Variants in GRK5 observed in about 807,000 individuals in gnomAD.
GRK5 encodes the protein G protein-coupled receptor kinase 5, also known as g protein-coupled receptor kinase GRK5.
In GRK5, 40 loss-of-function variants were observed where a neutral mutation model predicts 78.4. The ratio of observed to expected loss-of-function variants is 0.51; its 90% CI spans 0.40 to 0.66. The LOEUF (loss-of-function observed/expected upper bound fraction) is 0.66. GRK5 is among the 30% of genes least tolerant of loss of function. The pLI is 0.00. For missense variants in GRK5, 598 were observed against 759.9 expected (o/e 0.79, Z 2.50); for synonymous variants, 289 against 296.8 (o/e 0.97, Z 0.27).
At chr10:119,364,946 T>C (rs1851421843) in intron 2 of GRK5, among the ~76,000 whole-genome samples, 1 of 152,160 alleles carries the variant, frequency 6.6e-6, no homozygotes, top group Non-Finnish European at 1.5e-5. Flanking sequence ...TCATCCTAAT[T>C]ATTTTTTTTT....
chr10:119,277,287 C>G (rs901377871), intron 1 of GRK5, among the ~76,000 whole-genome samples: 1 of 152,094 alleles, frequency 6.6e-6, no homozygotes, highest in Admixed American at 6.5e-5. Context: ...TGGCTGACTG[C>G]GTGAACTTCT....
intron 6 of GRK5, among the ~76,000 whole-genome samples, chr10:119,426,613 A>T (rs1039288533): frequency 1.3e-5 from 2 of 152,226 alleles, no homozygotes; most frequent in Non-Finnish European, 2.9e-5. Flanking sequence ...TGTTCCGCAA[A>T]GCTCAGCCAT....
rs1850620852 is a variant in GRK5, at chr10:119,323,457, C to G, written c.53-3059C>G. On this transcript the variant is annotated intron_variant, in intron 1 of 15. Transcript: ENST00000392870. The stretch of plus-strand genomic sequence containing the variant: ...CTTGCAGCTGCTGGGATGGGGACAT[C>G]AGACTCTGCTGAGCTAGGGTTTAGG... Among the ~76,000 whole-genome samples the G allele has an allele frequency of 2.0e-5, 3 of 152,312 alleles. No homozygotes were observed. The South Asian group carries it at 6.2e-4, about 32-fold the overall frequency.
Position 119,452,501 on chromosome 10 carries a change from C to G in GRK5, c.1405-170C>G, listed in dbSNP as rs984561245. On this transcript the variant is annotated intron_variant, in intron 13 of 15. Transcript: ENST00000392870. This position sits in a 1 kb window ranked among gnomAD's most constrained non-coding sequence, Gnocchi z 4.4. ...CCAAGCCACTGGGGCCGACCCCTCC[C>G]CTGGACTCACCTGCATCTGAGCCAC... 7.3e-5 allele frequency: 51 copies of G among 703,188 alleles called. No individual in the cohort carries two copies. The African/African-American group carries it at 8.6e-4, about 12-fold the overall frequency. 43.6% of individuals were successfully genotyped at this position (703,188 alleles called of 1,614,324 possible). A position where few individuals can be genotyped will look rare whatever the true frequency, so the allele number is the denominator to read the frequency against.
intron 1 of GRK5, among the ~76,000 whole-genome samples, chr10:119,247,902 C>A (rs1264156494): frequency 6.6e-6 from 1 of 152,176 alleles, no homozygotes. Flanking sequence ...TCCCCCCCAC[C>A]CTGCCTGGCT....
At chr10:119,356,407 A>C (rs1851262763) in intron 2 of GRK5, among the ~76,000 whole-genome samples, 1 of 152,198 alleles carries the variant, frequency 6.6e-6, no homozygotes, top group Non-Finnish European at 1.5e-5. Context: ...TATAAGAAAT[A>C]ATTCAAAGAC....
At position 119,336,867 on chromosome 10, in the gene GRK5, C is replaced by T. The variant is rs915127506; in HGVS notation, c.148+10256C>T. ...GGTTTGGAACATCAGGTGACCTGTC[C>T]GCAGCTGGAGCTCTCAGGAGGGAAG... On this transcript the variant is annotated intron_variant, in intron 2 of 15. Transcript: ENST00000392870. This position sits in a 1 kb window ranked among gnomAD's most constrained non-coding sequence, Gnocchi z 4.5. Among the ~76,000 whole-genome samples, 5 of 152,172 alleles carry T rather than the reference C, an allele frequency of 3.3e-5. No homozygotes were observed. Among genetic ancestry groups the T allele is most frequent in the Non-Finnish European group, 7.3e-5 (5 of 68,034 alleles).
chr10:119,257,414 T>G (rs1849306973), intron 1 of GRK5, among the ~76,000 whole-genome samples: 1 of 151,490 alleles, frequency 6.6e-6, no homozygotes, highest in Non-Finnish European at 1.5e-5. Context: ...TGGGAGGGAG[T>G]ATGTCTATTT....
In GRK5 at chr10:119,423,164, A is replaced by AGTCCCC; in HGVS notation, c.340-1_344dup. 1 of 1,606,946 alleles carries AGTCCCC rather than the reference A, an allele frequency of 6.2e-7. No individual in the cohort carries two copies. Among genetic ancestry groups the AGTCCCC allele is most frequent in the Non-Finnish European group, 8.5e-7 (1 of 1,173,476 alleles). On this transcript the variant is annotated splice_acceptor_variant, in intron 4 of 15. Transcript: ENST00000392870. LOFTEE classifies it high-confidence loss of function. ...CCACCTCCCTTCCCTTCCTTCTTCC[A>AGTCCCC]GTCCCCTGTTTTCATAGCCCAAGTT...
chr10:119,365,022 TAC>T, intron 2 of GRK5, among the ~76,000 whole-genome samples: 1 of 152,348 alleles, frequency 6.6e-6, no homozygotes, highest in African/African-American at 2.4e-5. Context: ...TAGCGTCAGT[TAC>T]AGACCTGTTT....
At chr10:119,332,146 G>A (rs567958521) in intron 2 of GRK5, among the ~76,000 whole-genome samples, 4 of 145,582 alleles carry the variant, frequency 2.7e-5, no homozygotes, top group Admixed American at 1.4e-4. Context: ...TGACTCTGTC[G>A]CTCAGGCTAG....
intron 1 of GRK5, among the ~76,000 whole-genome samples, chr10:119,285,062 A>G (rs1161248462): frequency 6.6e-6 from 1 of 152,156 alleles, no homozygotes; most frequent in Non-Finnish European, 1.5e-5. Context: ...GAGGTTTCAG[A>G]CATAACAGAG....
At chr10:119,244,293 T>C (rs1234604316) in intron 1 of GRK5, among the ~76,000 whole-genome samples, 1 of 152,276 alleles carries the variant, frequency 6.6e-6, no homozygotes, top group Non-Finnish European at 1.5e-5. Flanking sequence ...CATAAGACAC[T>C]GCTCTAAAGT....
chr10:119,439,711 CTTG>C lies in GRK5; in HGVS notation c.930-14_930-12del, dbSNP rs762347729. The C allele has an allele frequency of 6.2e-6, 10 of 1,613,740 alleles. No individual in the cohort carries two copies. The highest frequency in any genetic ancestry group is 1.7e-5 in the Admixed American group (1 of 60,002). Reference sequence around the variant, plus strand: ...TGCCCAGAATGCCCACACTCTGATGCTTGTTGTTTTTCCTTTCAGAGATCTGAA... The same window carrying C: ...TGCCCAGAATGCCCACACTCTGATGCTTGTTTTTCCTTTCAGAGATCTGAA... On this transcript the variant is annotated splice_polypyrimidine_tract_variant and intron_variant, in intron 9 of 15. Transcript: ENST00000392870.
At chr10:119,222,912 C>T (rs961589146) in intron 1 of GRK5, among the ~76,000 whole-genome samples, 2 of 152,176 alleles carry the variant, frequency 1.3e-5, no homozygotes, top group African/African-American at 2.4e-5. Flanking sequence ...GAAAGAGGCT[C>T]CAAAGCAGGA....
At position 119,394,652 on chromosome 10, in the gene GRK5, G is replaced by C. The variant is rs1327592455; in HGVS notation, c.262-2043G>C. 7.7e-4 allele frequency among the ~76,000 whole-genome samples: 2 copies of C among 2,610 alleles called. 1 individual carries two copies. The allele number at this position is 2,610 out of a possible 152,430, so 1.7% of individuals were successfully genotyped here. ...GGGTGTGTGTGTGGGTGTGTGTGTGGGTGTGTGTATCTGTGTCTGTGGGCA... is the reference window on the plus strand; with the variant it reads ...GGGTGTGTGTGTGGGTGTGTGTGTGCGTGTGTGTATCTGTGTCTGTGGGCA... On this transcript the variant is annotated intron_variant, in intron 3 of 15. Transcript: ENST00000392870.
chr10:119,335,177 C>CTCT (rs1850858582), intron 2 of GRK5, among the ~76,000 whole-genome samples: 45 of 35,786 alleles, frequency 1.3e-3, no homozygotes, highest in African/African-American at 1.9e-3. Flanking sequence ...TCTCTCTCTC[C>CTCT]CCCTCTCCCT....
In GRK5 at chr10:119,374,216, C is replaced by T. The variant is rs375265507; in HGVS notation, c.149-6599C>T. ...GAGAAGGGGCTTAGAGGTTATTATTCGAACCCCCTTATTTTATGGATGAGG... is the reference window on the plus strand; with the variant it reads ...GAGAAGGGGCTTAGAGGTTATTATTTGAACCCCCTTATTTTATGGATGAGG... On this transcript the variant is annotated intron_variant, in intron 2 of 15. Transcript: ENST00000392870. Among the ~76,000 whole-genome samples, 12 of 152,294 alleles carry T rather than the reference C, an allele frequency of 7.9e-5. No homozygotes were observed. In the East Asian group the frequency reaches 1.7e-3, roughly 22 times the overall value.
chr10:119,378,906 G>A lies in GRK5; in HGVS notation c.149-1909G>A, dbSNP rs1310112952. On this transcript the variant is annotated intron_variant, in intron 2 of 15. Transcript: ENST00000392870. This position sits in a 1 kb window ranked among gnomAD's most constrained non-coding sequence, Gnocchi z 4.5. Reference sequence around the variant, plus strand: ...CCTGTCATTATGGCCAGAGAGAGAGGCCTCTGATTGGCTGTGACTAAGTGA... The same window carrying A: ...CCTGTCATTATGGCCAGAGAGAGAGACCTCTGATTGGCTGTGACTAAGTGA... 6.6e-6 allele frequency among the ~76,000 whole-genome samples: 1 copy of A among 152,224 alleles called. No individual in the cohort carries two copies. Among genetic ancestry groups the A allele is most frequent in the Non-Finnish European group, 1.5e-5 (1 of 68,046 alleles).
Sources: gnomAD v4.1 joint callset for allele counts (sites outside exome capture counted in the v4.1 genomes callset) on GRCh38, gnomAD v4.1.1 for gene constraint, Gnocchi (gnomAD v3.1) non-coding constraint, MANE v1.5 for transcripts, NCBI Gene and HGNC (gene_info 2026-07-23, HGNC 2026-07-21) for gene names.